CCDC102A: variants seen among roughly 807,000 people sequenced by gnomAD.
CCDC102A encodes the protein coiled-coil domain containing 102A, also known as coiled-coil domain-containing protein 102A.
CCDC102A carries 40 observed loss-of-function variants against 55.5 expected under a neutral mutation model. The ratio of observed to expected loss-of-function variants is 0.72; its 90% CI spans 0.56 to 0.94. The LOEUF is 0.94. Among genes scored for constraint, CCDC102A ranks in the 40% least tolerant of loss-of-function variants. The pLI is 0.00. For synonymous variants in CCDC102A, 323 were observed against 339.0 expected (o/e 0.95, Z 0.52); for missense variants, 779 against 768.6 (o/e 1.01, Z -0.16).
intron 1 of CCDC102A, among the ~76,000 whole-genome samples, chr16:57,531,582 C>T (rs1450135415): frequency 2.6e-5 from 4 of 152,104 alleles, no homozygotes; most frequent in African/African-American, 9.7e-5. Context: ...CTCTGATGGC[C>T]CCTCCCTGTG....
chr16:57,517,933 G>A (rs1475204644), intron 6 of CCDC102A, 135 bp downstream of exon 6: 1 of 1,011,454 alleles, frequency 9.9e-7, no homozygotes, highest in Non-Finnish European at 1.4e-6. Context: ...ATTACCAACT[G>A]GTCTAGCACA....
chr16:57,528,873 G>A lies in CCDC102A; in HGVS notation c.305C>T (p.Ala102Val), dbSNP rs1371815751. ...CTTGCTCCATTTCTCGCGCCAATTG[G>A]CAGTGCAGTCCGACCACCGGCGCAT... ...KTMRRWSDCTANWREKWSKVR... is the reference protein window; with the variant it reads ...KTMRRWSDCTVNWREKWSKVR... The change falls in exon 2 of 9, where the codon GCC becomes GTC. Residue 102 changes from alanine (A) to valine (V), a missense_variant. Coordinates refer to ENST00000258214, the MANE Select transcript of CCDC102A (RefSeq NM_033212.4). 2.2e-6 allele frequency: 3 copies of A among 1,372,122 alleles called. No homozygotes were observed. The South Asian group carries it at 4.1e-5, about 19-fold the overall frequency. The allele number at this position is 1,372,122 out of a possible 1,614,324, so 85.0% of individuals were successfully genotyped here.
chr16:57,528,984 G>T lies in CCDC102A; in HGVS notation c.194C>A (p.Ala65Asp). Residue 65 changes from alanine to aspartate, a missense_variant, in exon 2 of 9, where the codon GCC (alanine) becomes GAC (aspartate). Coordinates refer to ENST00000258214, the MANE Select transcript of CCDC102A (RefSeq NM_033212.4). Reference sequence around the variant, plus strand: ...CTCGCGGCTCTCCCAGTCGCCGTCGGCCAGCAGCGCGGGCGCGGGGGGCAG... The same window carrying T: ...CTCGCGGCTCTCCCAGTCGCCGTCGTCCAGCAGCGCGGGCGCGGGGGGCAG... ...LPLPPAPALL[A>D]DGDWESREEL... 1 of 1,212,026 alleles carries T rather than the reference G, an allele frequency of 8.3e-7. No homozygotes were observed. 75.1% of individuals were successfully genotyped at this position (1,212,026 alleles called of 1,614,324 possible). A position where few individuals can be genotyped will look rare whatever the true frequency, so the allele number is the denominator to read the frequency against.
rs377546263 is a variant in CCDC102A at position 57,525,977 on chromosome 16, C to T, written c.736G>A (p.Glu246Lys). 58 of 1,611,900 alleles carry T rather than the reference C, an allele frequency of 3.6e-5. No homozygotes were observed. Among genetic ancestry groups the T allele is most frequent in the Non-Finnish European group, 4.4e-5 (52 of 1,179,172 alleles). Reference sequence around the variant, plus strand: ...GCGGTCAACTTGGAGGCCTCCTCCTCCGTGGCAGCTGTGTCCTCCCAGGGT... The same window carrying T: ...GCGGTCAACTTGGAGGCCTCCTCCTTCGTGGCAGCTGTGTCCTCCCAGGGT... ...RLPWEDTAAT[E>K]EEASKLTALR... Residue 246 changes from glutamate to lysine, a missense_variant, in exon 3 of 9, where the codon GAG (glutamate) becomes AAG (lysine). Physicochemically the swap from Glu to Lys is moderately conservative, Grantham distance 56 (BLOSUM62 1). Coordinates refer to ENST00000258214, the MANE Select transcript of CCDC102A (RefSeq NM_033212.4).
At chr16:57,536,182 G>C (rs1263162396) in intron 1 of CCDC102A, among the ~76,000 whole-genome samples, 1 of 152,104 alleles carries the variant, frequency 6.6e-6, no homozygotes, top group Admixed American at 6.5e-5. Flanking sequence ...TCCCCCGGGA[G>C]AGTCCCAAAT....
intron 1 of CCDC102A, 64 bp downstream of exon 1, chr16:57,536,436 C>G (rs1213002865): frequency 6.6e-6 from 1 of 152,316 alleles, no homozygotes; most frequent in Non-Finnish European, 1.5e-5. Context: ...GGAAGGCGCG[C>G]GGCCTGGAGC....
Position 57,517,212 on chromosome 16 carries a change from G to A in CCDC102A, c.1249-749C>T, listed in dbSNP as rs575837561. Among the ~76,000 whole-genome samples, 14 of 152,148 alleles carry A rather than the reference G, an allele frequency of 9.2e-5. No homozygotes were observed. In the East Asian group the frequency reaches 2.7e-3, roughly 29 times the overall value. ...CCGCTCACTCCCCTCCAGCACACTGGACTTGTTCCTCCAAAGCTCTGTGTC... is the reference window on the plus strand; with the variant it reads ...CCGCTCACTCCCCTCCAGCACACTGAACTTGTTCCTCCAAAGCTCTGTGTC... On this transcript the variant is annotated intron_variant, in intron 6 of 8. Transcript: ENST00000258214.
chr16:57,535,169 C>G (rs1367840429), intron 1 of CCDC102A, among the ~76,000 whole-genome samples: 1 of 152,232 alleles, frequency 6.6e-6, no homozygotes, highest in African/African-American at 2.4e-5. Context: ...CAAGGCTGGT[C>G]AGCCCACAGA....
intron 1 of CCDC102A, among the ~76,000 whole-genome samples, chr16:57,535,521 G>A (rs1220638756): frequency 1.3e-5 from 2 of 151,994 alleles, no homozygotes; most frequent in Non-Finnish European, 2.9e-5. Flanking sequence ...CACCTGAGGG[G>A]CACAATGCCC....
At position 57,515,459 on chromosome 16, in the gene CCDC102A, A is replaced by G; in HGVS notation, c.1420-15T>C. ...GCCTCGTCCAGCTGTGGGGGTGAGC[A>G]GGGCCGAAAGCACGAGGGTCACCCA... On this transcript the variant is annotated splice_polypyrimidine_tract_variant and intron_variant, in intron 7 of 8. Coordinates refer to ENST00000258214, the MANE Select transcript of CCDC102A (RefSeq NM_033212.4). 6.4e-7 allele frequency: 1 copy of G among 1,564,820 alleles called. No individual in the cohort carries two copies.
At chr16:57,513,765 G>A (rs1308898050) in intron 8 of CCDC102A, among the ~76,000 whole-genome samples, 1 of 152,234 alleles carries the variant, frequency 6.6e-6, no homozygotes, top group African/African-American at 2.4e-5. Flanking sequence ...CCTGACTTGG[G>A]CCCACGCCTG....
intron 8 of CCDC102A, 55 bp downstream of exon 8, chr16:57,515,286 A>G (rs1005924317): frequency 2.7e-5 from 31 of 1,138,846 alleles, no homozygotes; most frequent in Non-Finnish European, 4.0e-5. Context: ...CCCTGACCGG[A>G]GGGTTCCCTG....
intron 1 of CCDC102A, among the ~76,000 whole-genome samples, chr16:57,532,041 A>G (rs1349308249): frequency 6.6e-6 from 1 of 152,168 alleles, no homozygotes; most frequent in Non-Finnish European, 1.5e-5. Flanking sequence ...GTCTAGGCCC[A>G]GCTCTGACAC....
At chr16:57,534,417 A>G (rs1450086059) in intron 1 of CCDC102A, among the ~76,000 whole-genome samples, 1 of 152,230 alleles carries the variant, frequency 6.6e-6, no homozygotes. Context: ...AAAGTGACCC[A>G]GTGGTTCCTG....
intron 5 of CCDC102A, 89 bp downstream of exon 5, chr16:57,518,530 TCCTGGC>T (rs1445947304): frequency 6.7e-6 from 7 of 1,041,680 alleles, no homozygotes; most frequent in East Asian, 4.8e-5. Flanking sequence ...CAGAGCACAG[TCCTGGC>T]CCCTGCCCTG....
chr16:57,533,268 A>C (rs1255342264), intron 1 of CCDC102A, among the ~76,000 whole-genome samples: 1 of 151,982 alleles, frequency 6.6e-6, no homozygotes, highest in Admixed American at 6.5e-5. Flanking sequence ...GGTCCCCTGG[A>C]GCGGGTGTGT....
chr16:57,522,236 T>C (rs2032064873), intron 3 of CCDC102A, among the ~76,000 whole-genome samples: 1 of 152,238 alleles, frequency 6.6e-6, no homozygotes, highest in Admixed American at 6.5e-5. Context: ...GACTGCACTT[T>C]TCTTTGTTTT....
intron 2 of CCDC102A, 71 bp downstream of exon 2, chr16:57,528,522 C>T: frequency 9.6e-7 from 1 of 1,046,980 alleles, no homozygotes; most frequent in Non-Finnish European, 1.2e-6. Context: ...GTTTCTGAGC[C>T]CAGCAGCTCA....
At chr16:57,522,142 G>C (rs2032062976) in intron 3 of CCDC102A, among the ~76,000 whole-genome samples, 1 of 152,216 alleles carries the variant, frequency 6.6e-6, no homozygotes, top group African/African-American at 2.4e-5. Context: ...GCCTCATTCT[G>C]ATTTACATTG....
Sources: allele counts gnomAD v4.1 joint callset (sites outside exome capture counted in the v4.1 genomes callset), GRCh38; gene constraint gnomAD v4.1.1; transcripts MANE v1.5; gene names NCBI Gene and HGNC (gene_info 2026-07-23, HGNC 2026-07-21).